Variants in DAB2IP observed in about 807,000 individuals in gnomAD.
DAB2IP encodes disabled homolog 2-interacting protein.
In DAB2IP, 28 loss-of-function variants were observed where a neutral mutation model predicts 107.2. That is an observed-to-expected ratio of 0.26 (90% CI 0.19 to 0.36). The LOEUF (loss-of-function observed/expected upper bound fraction) is 0.36, where lower values mean the gene tolerates loss of function less well. Among genes scored for constraint, DAB2IP ranks in the 10% least tolerant of loss-of-function variants. DAB2IP has a pLI of 1.00. For synonymous variants in DAB2IP, 755 were observed against 706.4 expected (o/e 1.07, Z -1.09); for missense variants, 1,400 against 1,644.7 (o/e 0.85, Z 2.57).
chr9:121,626,540 C>T (rs113590084), intron 1 of DAB2IP, among the ~76,000 whole-genome samples: 3,705 of 151,306 alleles, frequency 0.024, 154 homozygotes, highest in African/African-American at 0.085. Flanking sequence ...TCTCTTGCCT[C>T]AGCCTCCCGA....
chr9:121,600,257 G>T (rs887378774), intron 1 of DAB2IP, among the ~76,000 whole-genome samples: 2 of 152,186 alleles, frequency 1.3e-5, no homozygotes, highest in Non-Finnish European at 2.9e-5. Context: ...GGGCACCCAA[G>T]TTTTGGGTGT....
chr9:121,568,653 C>T (rs982676134), intron 1 of DAB2IP, among the ~76,000 whole-genome samples: 3 of 152,182 alleles, frequency 2.0e-5, no homozygotes, highest in Non-Finnish European at 4.4e-5. Context: ...TGGGACAGGC[C>T]TGCCTGCCTC....
chr9:121,763,528 G>C, exon 7 of DAB2IP: 1 of 1,613,686 alleles, frequency 6.2e-7, no homozygotes, highest in East Asian at 2.2e-5. Flanking sequence ...ACCTGATGAT[G>C]TCAGAGGTGG....
rs139761399 is a variant in DAB2IP at position 121,614,640 on chromosome 9, C to T, written c.40+47412C>T. On this transcript the variant is annotated intron_variant, in intron 1 of 16. Coordinates refer to the DAB2IP transcript ENST00000259371. Reference sequence around the variant, plus strand: ...AGGCGTGAGCCACTGCGCCCGGCCCCACCTCTGCAATTCTGTTGTGCGGTT... The same window carrying T: ...AGGCGTGAGCCACTGCGCCCGGCCCTACCTCTGCAATTCTGTTGTGCGGTT... Among the ~76,000 whole-genome samples, 448 of 151,984 alleles carry T rather than the reference C, an allele frequency of 2.9e-3. 1 individual carries two copies. The highest frequency in any genetic ancestry group is 0.01 in the African/African-American group (426 of 41,496).
Position 121,699,468 on chromosome 9 carries a change from C to A in DAB2IP, c.362+10C>A. 7.5e-7 allele frequency: 1 copy of A among 1,326,534 alleles called. No individual in the cohort carries two copies. Among genetic ancestry groups the A allele is most frequent in the South Asian group, 1.9e-5 (1 of 52,438 alleles). 82.2% of individuals were successfully genotyped at this position (1,326,534 alleles called of 1,614,324 possible). On this transcript the variant is annotated intron_variant, in intron 3 of 15. Transcript: ENST00000408936. The surrounding 1 kb of genome is among the most constrained non-coding windows in gnomAD (Gnocchi z 6.2). ...CCGCGGACAATGAGAGGTGAGCCCG[C>A]CGCCGCCGCCCGGTCCCCCGCGCCG...
chr9:121,588,196 C>A (rs545220406), intron 1 of DAB2IP, among the ~76,000 whole-genome samples: 72 of 152,280 alleles, frequency 4.7e-4, no homozygotes, highest in African/African-American at 1.2e-3. Context: ...AAGGTCAAGA[C>A]CGTGAGTCCT....
exon 16 of DAB2IP, chr9:121,784,090 G>A (rs991763215): frequency 6.2e-6 from 1 of 162,478 alleles, no homozygotes; most frequent in Non-Finnish European, 1.4e-5. Flanking sequence ...ACAGGTGACA[G>A]TGGCTGCTCT....
At chr9:121,710,663 C>A (rs959016019) in intron 3 of DAB2IP, among the ~76,000 whole-genome samples, 1 of 152,140 alleles carries the variant, frequency 6.6e-6, no homozygotes, top group Admixed American at 6.5e-5. Context: ...CCTCCAAGGT[C>A]AGAAGAACAT....
At chr9:121,759,377 C>T (rs1833723779) in intron 5 of DAB2IP, among the ~76,000 whole-genome samples, 2 of 152,148 alleles carry the variant, frequency 1.3e-5, no homozygotes, top group South Asian at 4.1e-4. Flanking sequence ...AGGCTGGTGC[C>T]CTCTGTGTTC....
Position 121,782,595 on chromosome 9 carries a change from A to G in DAB2IP, c.*97A>G. On this transcript the variant is annotated 3_prime_UTR_variant, in exon 16 of 16. Coordinates refer to ENST00000408936, the Ensembl canonical transcript of DAB2IP. This position sits in a 1 kb window ranked among gnomAD's most constrained non-coding sequence, Gnocchi z 6.1. The stretch of plus-strand genomic sequence containing the variant: ...GGGAGGCACCCACGGTTGCAGCCCC[A>G]GCGCGGGTGTCAGGAGGCCGAGCCT... The G allele has an allele frequency of 6.5e-7, 1 of 1,540,422 alleles. No homozygotes were observed. The highest frequency in any genetic ancestry group is 8.8e-7 in the Non-Finnish European group (1 of 1,141,474).
chr9:121,596,440 A>G (rs1589386169), intron 1 of DAB2IP, among the ~76,000 whole-genome samples: 1 of 152,204 alleles, frequency 6.6e-6, no homozygotes, highest in African/African-American at 2.4e-5. Flanking sequence ...ACCTGAGCAC[A>G]GGAGTTCGAG....
At chr9:121,765,581 T>C (rs1401861727) in intron 8 of DAB2IP, among the ~76,000 whole-genome samples, 1 of 152,208 alleles carries the variant, frequency 6.6e-6, no homozygotes, top group African/African-American at 2.4e-5. Flanking sequence ...CAGGCCTTGC[T>C]CTCAGTTTAG....
rs113717225 is a variant in DAB2IP, at chr9:121,757,289, C to T, written c.516+123C>T. 14 of 1,303,528 alleles carry T rather than the reference C, an allele frequency of 1.1e-5. No homozygotes were observed. The African/African-American group carries it at 1.5e-4, about 14-fold the overall frequency. The allele number at this position is 1,303,528 out of a possible 1,614,324, so 80.7% of individuals were successfully genotyped here. ...TCAGCAGGGGCCAGGGTCTTGGGGA[C>T]AGTGGCTAGTAGTTACCGATAGCTT... On this transcript the variant is annotated intron_variant, in intron 4 of 15. Coordinates refer to ENST00000408936, the Ensembl canonical transcript of DAB2IP.
At chr9:121,687,233 C>T (rs1008810211) in intron 2 of DAB2IP, among the ~76,000 whole-genome samples, 4 of 152,188 alleles carry the variant, frequency 2.6e-5, no homozygotes, top group South Asian at 2.1e-4. Context: ...CTGTCAATGG[C>T]TGGGCCTGGC....
rs766289018 is a variant in DAB2IP at position 121,782,498 on chromosome 9, A to C, written c.3570A>C (p.Ter1190TyrextTer3). The stretch of plus-strand genomic sequence containing the variant: ...AGTTCAGAAACAGCAGCAATTGTTA[A>C]CCTGCCTGAGGAGGGAGGAAGCTAC... The change falls in exon 16 of 16, where the codon TAA (stop) becomes TAC (tyrosine). Residue 1190 changes from the stop codon to tyrosine (Y), a stop_lost. Transcript: ENST00000408936. This position sits in a 1 kb window ranked among gnomAD's most constrained non-coding sequence, Gnocchi z 6.1. The C allele has an allele frequency of 1.2e-6, 2 of 1,613,746 alleles. No homozygotes were observed. The highest frequency in any genetic ancestry group is 2.2e-5 in the South Asian group (2 of 91,052).
chr9:121,603,479 G>A (rs948385393), intron 1 of DAB2IP, among the ~76,000 whole-genome samples: 2 of 152,216 alleles, frequency 1.3e-5, no homozygotes, highest in African/African-American at 4.8e-5. Flanking sequence ...CTGCAGTGAC[G>A]TGTCCAAAGC....
At chr9:121,650,337 C>T (rs969800703), upstream of DAB2IP, among the ~76,000 whole-genome samples, 1 of 152,160 alleles carries the variant, frequency 6.6e-6, no homozygotes, top group East Asian at 1.9e-4. Flanking sequence ...AGACAGGCTC[C>T]GCAGGACTAG....
At chr9:121,601,623 A>G (rs1027530492) in intron 1 of DAB2IP, among the ~76,000 whole-genome samples, 1 of 152,156 alleles carries the variant, frequency 6.6e-6, no homozygotes, top group African/African-American at 2.4e-5. Context: ...TCATAGCACT[A>G]TTTATTGAGT....
chr9:121,701,009 C>T lies in DAB2IP; in HGVS notation c.362+1551C>T, dbSNP rs1829747465. 6.6e-6 allele frequency among the ~76,000 whole-genome samples: 1 copy of T among 152,256 alleles called. No individual in the cohort carries two copies. The highest frequency in any genetic ancestry group is 1.5e-5 in the Non-Finnish European group (1 of 68,044). Reference sequence around the variant, plus strand: ...GCCACCCGGTTTGCTGCCTTCCTCCCTCCACCGGGCCCCTGCCTTCGGCTG... The same window carrying T: ...GCCACCCGGTTTGCTGCCTTCCTCCTTCCACCGGGCCCCTGCCTTCGGCTG... On this transcript the variant is annotated intron_variant, in intron 3 of 15. Transcript: ENST00000408936. The surrounding 1 kb of genome is among the most constrained non-coding windows in gnomAD (Gnocchi z 4.7).
Sources: gnomAD v4.1 joint callset for allele counts (sites outside exome capture counted in the v4.1 genomes callset) on GRCh38, gnomAD v4.1.1 for gene constraint, Gnocchi (gnomAD v3.1) non-coding constraint, MANE v1.5 for transcripts, NCBI Gene and HGNC (gene_info 2026-07-23, HGNC 2026-07-21) for gene names.